The following NBAS variants were observed in gnomAD, a reference collection of about 807,000 sequenced individuals.
The protein encoded by NBAS is NBAS subunit of NRZ tethering complex.
In NBAS, 219 loss-of-function variants were observed where a neutral mutation model predicts 302.5. The observed-to-expected ratio is 0.72, with a 90% CI of 0.65 to 0.81. The LOEUF is 0.81. NBAS is among the 30% of genes least tolerant of loss of function. NBAS has a pLI of 0.00. For synonymous variants in NBAS, 1,118 were observed against 1,021.6 expected, an observed-to-expected ratio of 1.09 and a Z score of -1.80; for missense variants, 2,932 against 2,841.6, an observed-to-expected ratio of 1.03 and a Z score of -0.72.
chr2:15,283,753 A>T (rs1220287957), intron 42 of NBAS, among the ~76,000 whole-genome samples: 2 of 152,182 alleles, frequency 1.3e-5, no homozygotes, highest in Non-Finnish European at 2.9e-5. Flanking sequence ...GGTGAGGATA[A>T]TGATCCCTGT....
At chr2:15,164,536 C>T (rs1054836190), downstream of NBAS, among the ~76,000 whole-genome samples, 1 of 152,216 alleles carries the variant, frequency 6.6e-6, no homozygotes, top group Non-Finnish European at 1.5e-5. Context: ...GAGGCTCTCA[C>T]CCTGCACTGG....
chr2:15,006,359 A>G, the NBAS span, among the ~76,000 whole-genome samples: 5 of 152,232 alleles, frequency 3.3e-5, no homozygotes, highest in Middle Eastern at 3.2e-3. Flanking sequence ...ATTTTTTATG[A>G]GAGTGAAAAA....
chr2:14,786,702 T>C, the NBAS span, among the ~76,000 whole-genome samples: 2 of 152,212 alleles, frequency 1.3e-5, no homozygotes, highest in Non-Finnish European at 2.9e-5. Flanking sequence ...TGTTATAATT[T>C]CTGATCTTTT....
At chr2:15,285,617 G>A (rs1480631593) in intron 42 of NBAS, among the ~76,000 whole-genome samples, 2 of 152,112 alleles carry the variant, frequency 1.3e-5, no homozygotes, top group Non-Finnish European at 2.9e-5. Context: ...TCTCTCGGCT[G>A]TTTCAGTATG....
intron 25 of NBAS, among the ~76,000 whole-genome samples, chr2:15,412,136 T>A (rs1309201260): frequency 2.0e-5 from 3 of 152,282 alleles, no homozygotes; most frequent in Non-Finnish European, 4.4e-5. Context: ...TCCATTTCTT[T>A]ATCATTATGA....
At chr2:15,522,859 T>A (rs1191695980) in intron 9 of NBAS, among the ~76,000 whole-genome samples, 2 of 152,204 alleles carry the variant, frequency 1.3e-5, no homozygotes, top group Non-Finnish European at 1.5e-5. Context: ...TATTAACACG[T>A]TTTATATTTA....
the NBAS span, among the ~76,000 whole-genome samples, chr2:15,028,135 G>C: frequency 6.6e-6 from 1 of 152,134 alleles, no homozygotes; most frequent in Non-Finnish European, 1.5e-5. Context: ...GATAATTAAA[G>C]GTCTATCATT....
At chr2:14,922,138 T>C in the NBAS span, among the ~76,000 whole-genome samples, 2 of 152,154 alleles carry the variant, frequency 1.3e-5, no homozygotes, top group African/African-American at 4.8e-5. Context: ...TTGCAGGACC[T>C]GAGTGTCTAG....
intron 47 of NBAS, among the ~76,000 whole-genome samples, chr2:15,228,510 T>C (rs985039055): frequency 6.6e-6 from 1 of 152,178 alleles, no homozygotes; most frequent in Non-Finnish European, 1.5e-5. Context: ...GGGAATAACA[T>C]CAGTATGTTG....
At chr2:15,261,120 T>C (rs1381561275) in intron 44 of NBAS, among the ~76,000 whole-genome samples, 1 of 152,224 alleles carries the variant, frequency 6.6e-6, no homozygotes, top group Non-Finnish European at 1.5e-5. Context: ...ATCTCAGCTA[T>C]ATTTAACTAA....
At chr2:14,960,025 G>A in the NBAS span, among the ~76,000 whole-genome samples, 2 of 152,096 alleles carry the variant, frequency 1.3e-5, no homozygotes, top group Admixed American at 6.5e-5. Context: ...TGGAAATGAC[G>A]TTTCTTTTAC....
intron 47 of NBAS, among the ~76,000 whole-genome samples, chr2:15,230,205 A>C (rs966292301): frequency 2.6e-5 from 4 of 152,114 alleles, no homozygotes; most frequent in African/African-American, 9.7e-5. Context: ...CACAATAACC[A>C]TATCACTGCA....
intron 51 of NBAS, among the ~76,000 whole-genome samples, chr2:15,169,802 A>G (rs1243751939): frequency 6.6e-6 from 1 of 152,068 alleles, no homozygotes; most frequent in South Asian, 2.1e-4. Flanking sequence ...TGAATGAATC[A>G]CTCCAAAGCT....
the NBAS span, among the ~76,000 whole-genome samples, chr2:14,915,911 A>G: frequency 2.6e-5 from 4 of 152,084 alleles, no homozygotes; most frequent in Admixed American, 6.6e-5. Flanking sequence ...CTCTTTGCCT[A>G]CTGCCATCTA....
chr2:15,539,885 T>C (rs908198071), intron 6 of NBAS, among the ~76,000 whole-genome samples: 4 of 151,854 alleles, frequency 2.6e-5, no homozygotes, highest in Non-Finnish European at 4.4e-5. Context: ...CACACACATA[T>C]ACATACACAC....
intron 35 of NBAS, among the ~76,000 whole-genome samples, chr2:15,334,533 A>G (rs1482762358): frequency 2.0e-5 from 3 of 152,162 alleles, no homozygotes; most frequent in East Asian, 1.9e-4. Flanking sequence ...TGTTCTTTAC[A>G]GGATTTTGAC....
At chr2:15,229,335 T>C (rs539065451) in intron 47 of NBAS, among the ~76,000 whole-genome samples, 63 of 111,396 alleles carry the variant, frequency 5.7e-4, no homozygotes, top group Non-Finnish European at 9.5e-4. Flanking sequence ...TGCAAGACTC[T>C]GTCTCAAAAA....
chr2:14,843,996 GT>G, the NBAS span, among the ~76,000 whole-genome samples: 2 of 152,092 alleles, frequency 1.3e-5, no homozygotes, highest in Admixed American at 6.6e-5. Context: ...TTCTGTGTGA[GT>G]CCTAGGGCTG....
At chr2:15,123,614 A>G in the NBAS span, among the ~76,000 whole-genome samples, 2 of 152,188 alleles carry the variant, frequency 1.3e-5, no homozygotes, top group South Asian at 4.2e-4. Flanking sequence ...GGTTCACAGG[A>G]GATCTGACTG....
Sources: allele counts gnomAD v4.1 joint callset (sites outside exome capture counted in the v4.1 genomes callset), GRCh38; gene constraint gnomAD v4.1.1; transcripts MANE v1.5; gene names NCBI Gene and HGNC (gene_info 2026-07-23, HGNC 2026-07-21).